Variants in FAM234A observed in about 807,000 individuals in gnomAD.
FAM234A encodes family with sequence similarity 234 member A.
FAM234A carries 42 observed loss-of-function variants against 49.1 expected under a neutral mutation model. That is an observed-to-expected ratio of 0.86 (90% CI 0.67 to 1.11). The LOEUF is 1.11. FAM234A is among the 50% of genes least tolerant of loss of function. The pLI is 0.00. For missense variants in FAM234A, 815 were observed against 745.2 expected (o/e 1.09, Z -1.09); for synonymous variants, 369 against 316.2 (o/e 1.17, Z -1.77).
At chr16:267,527 C>T (rs938885126), downstream of FAM234A, among the ~76,000 whole-genome samples, 2 of 144,408 alleles carry the variant, frequency 1.4e-5, no homozygotes, top group Non-Finnish European at 1.5e-5. Flanking sequence ...ACGACACGTG[C>T]ACACACACCA....
intron 1 of FAM234A, among the ~76,000 whole-genome samples, chr16:236,115 G>A (rs2142167654): frequency 6.6e-6 from 1 of 151,870 alleles, no homozygotes; most frequent in South Asian, 2.1e-4. Context: ...ACCACACCCA[G>A]CTAATTTTTT....
At position 262,148 on chromosome 16, in the gene FAM234A, G is replaced by A. The variant is rs1303597963; in HGVS notation, c.764G>A (p.Ser255Asn). Reference sequence around the variant, plus strand: ...GGGCACCAGATTGGCCTCAGAGGCAGCCTTGGTGTGGACGGGGAAAGTGGC... The same window carrying A: ...GGGCACCAGATTGGCCTCAGAGGCAACCTTGGTGTGGACGGGGAAAGTGGC... ...STGHQIGLRG[S>N]LGVDGESGFL... Residue 255 changes from serine (S) to asparagine (N), a missense_variant, in exon 7 of 13, where the codon AGC (serine) becomes AAC (asparagine). Coordinates refer to ENST00000399932, the MANE Select transcript of FAM234A (RefSeq NM_032039.4). The A allele has an allele frequency of 1.2e-6, 2 of 1,614,070 alleles. No homozygotes were observed. The highest frequency in any genetic ancestry group is 2.2e-5 in the East Asian group (1 of 44,878).
In FAM234A at chr16:264,723, G is replaced by A; in HGVS notation, c.1447+7G>A. The A allele has an allele frequency of 6.2e-7, 1 of 1,610,536 alleles. No individual in the cohort carries two copies. The highest frequency in any genetic ancestry group is 1.1e-5 in the South Asian group (1 of 91,080). On this transcript the variant is annotated splice_region_variant and intron_variant, in intron 12 of 12. Coordinates refer to ENST00000399932, the MANE Select transcript of FAM234A (RefSeq NM_032039.4). ...CACATTGTCGCCTTTGACGGTGAGT[G>A]TGGCCTCGGCCAGGGACCCGGGTGT...
Position 254,540 on chromosome 16 carries a change from C to G in FAM234A, c.127C>G (p.Arg43Gly), listed in dbSNP as rs1015968509. The G allele has an allele frequency of 1.7e-5, 28 of 1,614,204 alleles. No individual in the cohort carries two copies. Among genetic ancestry groups the G allele is most frequent in the Non-Finnish European group, 2.2e-5 (26 of 1,180,026 alleles). The change falls in exon 3 of 13, where the codon CGG (arginine) becomes GGG (glycine). Residue 43 changes from arginine to glycine, a missense_variant. By Grantham distance (125) the Arg-to-Gly change is moderately radical. Transcript: ENST00000399932. The part of the protein sequence containing the change: ...DNVKSAPPQS[R>G]LSRCRAAAFF... ...CGTGAAAAGCGCGCCTCCACAGTCC[C>G]GGCTCTCCCGGTGCCGAGCGGCGGC...
At chr16:241,264 A>G (rs1398527646) in intron 1 of FAM234A, among the ~76,000 whole-genome samples, 6 of 119,106 alleles carry the variant, frequency 5.0e-5, no homozygotes, top group South Asian at 2.7e-4. Context: ...GGAGGTCTAC[A>G]CAAAAAGAAA....
At chr16:256,370 C>G (rs191867484) in intron 3 of FAM234A, among the ~76,000 whole-genome samples, 2 of 152,124 alleles carry the variant, frequency 1.3e-5, no homozygotes, top group African/African-American at 2.4e-5. Context: ...TATTGTCTGT[C>G]TTCTTATTAC....
intron 1 of FAM234A, among the ~76,000 whole-genome samples, chr16:249,119 CAGA>C (rs2050911020): frequency 6.6e-6 from 1 of 151,926 alleles, no homozygotes; most frequent in African/African-American, 2.4e-5. Context: ...CTCCAAGGAA[CAGA>C]AAACCCAGAA....
chr16:252,330 C>T (rs911428293), intron 2 of FAM234A, among the ~76,000 whole-genome samples: 3 of 151,708 alleles, frequency 2.0e-5, no homozygotes, highest in Non-Finnish European at 2.9e-5. Flanking sequence ...TACAGGCGCC[C>T]GCCACCATGC....
At chr16:235,570 G>T in intron 1 of FAM234A, among the ~76,000 whole-genome samples, 1 of 152,182 alleles carries the variant, frequency 6.6e-6, no homozygotes, top group Non-Finnish European at 1.5e-5. Context: ...CTTACTCTCT[G>T]GTTCTAAACC....
chr16:247,128 G>A lies in FAM234A; in HGVS notation c.-139-2421G>A, dbSNP rs1034261155. The A allele has an allele frequency of 2.6e-5, 4 of 151,366 alleles. 1 individual carries two copies. The highest frequency in any genetic ancestry group is 9.8e-5 in the African/African-American group (4 of 40,956). The allele number at this position is 151,366 out of a possible 1,614,324, so 9.4% of individuals were successfully genotyped here. On this transcript the variant is annotated intron_variant, in intron 1 of 12. Transcript: ENST00000399932. ...GGTTTTGTTGTTTTATCGATGTTTT[G>A]TTCTGTTTTGTTTTGTTTTGAGACA...
At chr16:244,215 G>A (rs549477004) in intron 1 of FAM234A, among the ~76,000 whole-genome samples, 216 of 152,228 alleles carry the variant, frequency 1.4e-3, no homozygotes, top group South Asian at 4.8e-3. Context: ...TGATCCACCC[G>A]CCTTGGCCTC....
intron 3 of FAM234A, among the ~76,000 whole-genome samples, chr16:258,885 C>T (rs974458262): frequency 3.3e-4 from 50 of 152,286 alleles, no homozygotes; most frequent in African/African-American, 1.1e-3. Context: ...TGGGTTCAAA[C>T]GATTCTTGTG....
chr16:265,082 A>G lies in FAM234A; in HGVS notation c.*60A>G. 1 of 1,533,610 alleles carries G rather than the reference A, an allele frequency of 6.5e-7. No individual in the cohort carries two copies. Among genetic ancestry groups the G allele is most frequent in the Non-Finnish European group, 8.8e-7 (1 of 1,140,522 alleles). ...CCTGCTGACACTAAACGTCCTGGGA[A>G]GTGGGCCCTTCCCTGGGTCTCTGCA... On this transcript the variant is annotated 3_prime_UTR_variant, in exon 13 of 13. Coordinates refer to ENST00000399932, the MANE Select transcript of FAM234A (RefSeq NM_032039.4).
At chr16:249,873 T>C (rs755883396) in intron 2 of FAM234A, among the ~76,000 whole-genome samples, 2 of 152,124 alleles carry the variant, frequency 1.3e-5, no homozygotes, top group Non-Finnish European at 2.9e-5. Flanking sequence ...TCCAGAATTA[T>C]AACATTCTGG....
downstream of FAM234A, chr16:269,341 G>T (rs746999914): frequency 1.6e-5 from 25 of 1,603,250 alleles, no homozygotes; most frequent in Non-Finnish European, 1.5e-5. Flanking sequence ...GGAGTGCAGG[G>T]CTGGGGCTCG....
chr16:264,959 G>A lies in FAM234A; in HGVS notation c.1596G>A (p.Gly532=). 1.2e-6 allele frequency: 2 copies of A among 1,612,642 alleles called. No homozygotes were observed. The highest frequency in any genetic ancestry group is 1.7e-6 in the Non-Finnish European group (2 of 1,179,664). Residue 532 remains glycine, a synonymous_variant, in exon 13 of 13, where the codon GGG becomes GGA. Transcript: ENST00000399932. ...SSRVVRLGEG[G]PDSDQAIRDR... Reference sequence around the variant, plus strand: ...GGGTGGTCCGCCTGGGTGAGGGTGGGCCAGACAGTGACCAAGCCATCAGGG... The same window carrying A: ...GGGTGGTCCGCCTGGGTGAGGGTGGACCAGACAGTGACCAAGCCATCAGGG...
chr16:246,417 CTTTT>C (rs1183467460), intron 1 of FAM234A, among the ~76,000 whole-genome samples: 1 of 67,296 alleles, frequency 1.5e-5, no homozygotes, highest in Admixed American at 1.7e-4. Flanking sequence ...TAGGTGGTGG[CTTTT>C]TTTTTTTTTT....
At chr16:251,117 C>T (rs1168374715) in intron 2 of FAM234A, among the ~76,000 whole-genome samples, 1 of 152,098 alleles carries the variant, frequency 6.6e-6, no homozygotes, top group Non-Finnish European at 1.5e-5. Context: ...CCACCATGCC[C>T]ATCTAGTTTT....
chr16:262,864 G>T (rs576691423), intron 8 of FAM234A, among the ~76,000 whole-genome samples: 2 of 147,882 alleles, frequency 1.4e-5, no homozygotes, highest in Non-Finnish European at 3.0e-5. Context: ...CTGTCCCCCA[G>T]GCTGGAGTGC....
Sources: allele counts gnomAD v4.1 joint callset (sites outside exome capture counted in the v4.1 genomes callset), GRCh38; gene constraint gnomAD v4.1.1; transcripts MANE v1.5; gene names NCBI Gene and HGNC (gene_info 2026-07-23, HGNC 2026-07-21).